The following CDH12 variants were observed in gnomAD, a reference collection of about 807,000 sequenced individuals.
The protein encoded by CDH12 is cadherin 12.
Under a neutral mutation model 74.1 loss-of-function variants are expected in CDH12, and 41 were observed. That is an observed-to-expected ratio of 0.55 (90% CI 0.43 to 0.72). CDH12 has a LOEUF of 0.72. Ranked by LOEUF, CDH12 falls within the 30% of genes least tolerant of loss-of-function variation. The probability of loss-of-function intolerance (pLI) is 0.00; values close to 1 mark genes in which losing one functional copy is unlikely to be tolerated. For synonymous variants in CDH12, 399 were observed against 355.0 expected (o/e 1.12, Z -1.39); for missense variants, 945 against 977.2 (o/e 0.97, Z 0.44).
intron 3 of CDH12, among the ~76,000 whole-genome samples, chr5:22,329,635 G>A (rs140768295): frequency 6.6e-6 from 1 of 152,182 alleles, no homozygotes; most frequent in Non-Finnish European, 1.5e-5. Context: ...AGACAGTTAA[G>A]ACTCACTGAT....
intron 1 of CDH12, among the ~76,000 whole-genome samples, chr5:22,802,241 C>T (rs931274095): frequency 6.6e-6 from 1 of 151,658 alleles, no homozygotes; most frequent in African/African-American, 2.4e-5. Context: ...CCTGCCTCAG[C>T]CTCCCGAGTA....
intron 9 of CDH12, among the ~76,000 whole-genome samples, chr5:21,812,290 C>T (rs944463376): frequency 2.0e-5 from 3 of 152,018 alleles, no homozygotes; most frequent in Non-Finnish European, 4.4e-5. Context: ...TTGGGACTTT[C>T]TAAATGCATT....
intron 3 of CDH12, among the ~76,000 whole-genome samples, chr5:22,292,130 C>G (rs1176513804): frequency 6.6e-6 from 1 of 151,966 alleles, no homozygotes; most frequent in African/African-American, 2.4e-5. Flanking sequence ...ATGATTCTGG[C>G]AGCACTAGAT....
chr5:22,407,377 A>G (rs907465472), intron 2 of CDH12, among the ~76,000 whole-genome samples: 4 of 152,034 alleles, frequency 2.6e-5, no homozygotes, highest in African/African-American at 9.7e-5. Flanking sequence ...CCCATCTTCA[A>G]TGTTCTCAAT....
chr5:21,886,339 G>A (rs4643913), intron 6 of CDH12, among the ~76,000 whole-genome samples: 59,644 of 150,930 alleles, frequency 0.4, 14,710 homozygotes, highest in Non-Finnish European at 0.54. Flanking sequence ...GTAATCTGTA[G>A]CTTGTATGCT....
rs73054905 is a variant in CDH12 at position 21,755,203 on chromosome 5, T to A, written c.1885+388A>T. Among the ~76,000 whole-genome samples, 1,027 of 152,298 alleles carry A rather than the reference T, an allele frequency of 6.7e-3. 15 individuals carry two copies. The highest frequency in any genetic ancestry group is 0.022 in the African/African-American group (935 of 41,568). On this transcript the variant is annotated intron_variant, in intron 14 of 14. Coordinates refer to ENST00000382254, the MANE Select transcript of CDH12 (RefSeq NM_004061.5). The stretch of plus-strand genomic sequence containing the variant: ...ATATTTTTTAAAAGATGACATAATC[T>A]CTTATTAGACAGCAGCAATTACTAG...
At chr5:22,809,757 T>C (rs1477134675) in intron 1 of CDH12, among the ~76,000 whole-genome samples, 1 of 152,054 alleles carries the variant, frequency 6.6e-6, no homozygotes, top group East Asian at 1.9e-4. Context: ...CCTCTTTTTT[T>C]AAGCCAAAAA....
chr5:22,159,914 T>G (rs1302036253), intron 4 of CDH12, among the ~76,000 whole-genome samples: 1 of 152,170 alleles, frequency 6.6e-6, no homozygotes, highest in Non-Finnish European at 1.5e-5. Context: ...TGTGTCTGTG[T>G]GCGTGTGTGC....
chr5:22,539,262 A>T (rs916038765), intron 1 of CDH12, among the ~76,000 whole-genome samples: 3 of 152,182 alleles, frequency 2.0e-5, no homozygotes, highest in African/African-American at 4.8e-5. Flanking sequence ...ACTAAGAAGG[A>T]GTCTTTCTTG....
intron 1 of CDH12, among the ~76,000 whole-genome samples, chr5:22,794,305 G>A (rs1748076355): frequency 1.3e-5 from 2 of 152,178 alleles, no homozygotes; most frequent in Admixed American, 6.5e-5. Flanking sequence ...TAGCAGTGAA[G>A]GAATATTTGA....
intron 3 of CDH12, among the ~76,000 whole-genome samples, chr5:22,252,964 C>T (rs959627684): frequency 6.6e-6 from 1 of 151,828 alleles, no homozygotes; most frequent in Non-Finnish European, 1.5e-5. Context: ...AAGTACTTCC[C>T]ACAGTAGAAT....
At chr5:22,434,562 T>G (rs1004227092) in intron 2 of CDH12, among the ~76,000 whole-genome samples, 2 of 152,282 alleles carry the variant, frequency 1.3e-5, no homozygotes, top group African/African-American at 2.4e-5. Flanking sequence ...CCCAGTTAAA[T>G]AGGATAATCA....
intron 3 of CDH12, among the ~76,000 whole-genome samples, chr5:22,233,641 A>T (rs1256491868): frequency 6.6e-6 from 1 of 152,224 alleles, no homozygotes; most frequent in African/African-American, 2.4e-5. Flanking sequence ...GGTGTTTTAT[A>T]GAGAGATTCT....
intron 1 of CDH12, among the ~76,000 whole-genome samples, chr5:22,568,125 T>C (rs1168837249): frequency 6.6e-6 from 1 of 152,200 alleles, no homozygotes; most frequent in Non-Finnish European, 1.5e-5. Flanking sequence ...TGGATTTTAT[T>C]CTAGATTGTT....
chr5:22,227,225 A>T (rs1490161413), intron 3 of CDH12, among the ~76,000 whole-genome samples: 1 of 152,074 alleles, frequency 6.6e-6, no homozygotes, highest in African/African-American at 2.4e-5. Context: ...GTGCTCTTCA[A>T]TTTGTATTAA....
At chr5:22,124,248 C>T (rs1051398183) in intron 4 of CDH12, among the ~76,000 whole-genome samples, 5 of 152,106 alleles carry the variant, frequency 3.3e-5, no homozygotes, top group Non-Finnish European at 5.9e-5. Context: ...CTCAGCCTCT[C>T]GGGTAGCTGG....
At chr5:22,848,603 T>A (rs1351034281) in intron 1 of CDH12, among the ~76,000 whole-genome samples, 1 of 152,202 alleles carries the variant, frequency 6.6e-6, no homozygotes, top group Non-Finnish European at 1.5e-5. Flanking sequence ...CTGTCTGGGA[T>A]CATTTTCCTT....
chr5:21,976,022 C>A (rs1311523265), intron 5 of CDH12, among the ~76,000 whole-genome samples: 1 of 152,050 alleles, frequency 6.6e-6, no homozygotes, highest in African/African-American at 2.4e-5. Context: ...TAAGCATTTT[C>A]ATTTGTAAAG....
At chr5:21,772,999 T>C (rs984101351) in intron 11 of CDH12, among the ~76,000 whole-genome samples, 6 of 152,152 alleles carry the variant, frequency 3.9e-5, no homozygotes, top group African/African-American at 1.2e-4. Flanking sequence ...AAATTTAAGA[T>C]AAAATACAGT....
Sources: gnomAD v4.1 joint callset for allele counts (sites outside exome capture counted in the v4.1 genomes callset) on GRCh38, gnomAD v4.1.1 for gene constraint, MANE v1.5 for transcripts, NCBI Gene and HGNC (gene_info 2026-07-23, HGNC 2026-07-21) for gene names.